The following ERCC5 variants were observed in gnomAD, a reference collection of about 807,000 sequenced individuals.
The protein encoded by ERCC5 is ERCC excision repair 5, endonuclease, also known as DNA excision repair protein ERCC-5.
A neutral mutation model predicts 105.6 loss-of-function variants in ERCC5; 68 were observed. That is an observed-to-expected ratio of 0.64 (90% confidence interval 0.53 to 0.79). The LOEUF (loss-of-function observed/expected upper bound fraction) is 0.79. Among genes scored for constraint, ERCC5 ranks in the 30% least tolerant of loss-of-function variants. The pLI is 0.00. For missense variants in ERCC5, 1,373 were observed against 1,426.7 expected (o/e 0.96, Z 0.61); for synonymous variants, 546 against 526.2 (o/e 1.04, Z -0.51).
chr13:102,850,808 T>C (rs1302523958), intron 1 of ERCC5, among the ~76,000 whole-genome samples: 1 of 152,126 alleles, frequency 6.6e-6, no homozygotes, highest in South Asian at 2.1e-4. Context: ...GCCAGACATA[T>C]ACATGGAGTC....
intron 12 of ERCC5, 113 bp from the exon 13 acceptor site, chr13:102,872,085 T>C: frequency 8.0e-7 from 1 of 1,248,180 alleles, no homozygotes; most frequent in Admixed American, 2.0e-5. Context: ...CTATATAGCA[T>C]ACAATTTGAG....
chr13:102,874,730 A>T (rs549563980), intron 14 of ERCC5: 1 of 152,872 alleles, frequency 6.5e-6, no homozygotes, highest in Non-Finnish European at 1.5e-5. Flanking sequence ...TCACCGTGTA[A>T]GCCAGAATGG....
intron 1 of ERCC5, chr13:102,849,190 G>A: frequency 1.9e-6 from 1 of 518,984 alleles, no homozygotes; most frequent in South Asian, 1.4e-5. Context: ...TTCTACCTCT[G>A]AGATGTATCT....
At chr13:102,872,168 G>A (rs776677751) in intron 12 of ERCC5, 30 bp from the exon 13 acceptor site, 1 of 1,608,744 alleles carries the variant, frequency 6.2e-7, no homozygotes, top group Admixed American at 1.7e-5. Flanking sequence ...TCTCATTGCT[G>A]TGTAAGTAAT....
At chr13:102,869,039 T>C (rs577899669) in intron 12 of ERCC5, among the ~76,000 whole-genome samples, 3 of 152,370 alleles carry the variant, frequency 2.0e-5, no homozygotes, top group East Asian at 3.9e-4. Context: ...ACCGTCACTA[T>C]GTCGTGAGAT....
chr13:102,866,798 A>G lies in ERCC5; in HGVS notation c.2486A>G (p.Asn829Ser), dbSNP rs200554571. The change falls in exon 11 of 15, where the codon AAC (asparagine) becomes AGC (serine). Residue 829 changes from asparagine to serine, a missense_variant. By Grantham distance (46) the Asn-to-Ser change is conservative (BLOSUM62 1). Transcript: ENST00000652225. ...GTCTATAGAAACTTTTTTAATAAAAACAAGTTTGTAGAATATTATCAATAT... is the reference window on the plus strand; with the variant it reads ...GTCTATAGAAACTTTTTTAATAAAAGCAAGTTTGTAGAATATTATCAATAT... ...RHVYRNFFNK[N>S]KFVEYYQYVD... 104 of 1,613,848 alleles carry G rather than the reference A, an allele frequency of 6.4e-5. No individual in the cohort carries two copies. The highest frequency in any genetic ancestry group is 8.3e-5 in the Non-Finnish European group (98 of 1,179,880).
At position 102,873,271 on chromosome 13, in the gene ERCC5, G is replaced by A; in HGVS notation, c.2892G>A (p.Arg964=). ...DLDKIREFCQ[R]YFGWNRTKTD... Reference sequence around the variant, plus strand: ...TAACTGCATGCATATTTTGTCAGCGGTATTTCGGCTGGAACAGAACGAAGA... The same window carrying A: ...TAACTGCATGCATATTTTGTCAGCGATATTTCGGCTGGAACAGAACGAAGA... Residue 964 remains arginine (R), a synonymous_variant, in exon 14 of 15, where the codon CGG becomes CGA. Coordinates refer to ENST00000652225, the MANE Select transcript of ERCC5 (RefSeq NM_000123.4). The A allele has an allele frequency of 3.1e-6, 5 of 1,614,080 alleles. No individual in the cohort carries two copies. The highest frequency in any genetic ancestry group is 4.2e-6 in the Non-Finnish European group (5 of 1,180,006).
chr13:102,875,438 C>A lies in ERCC5; in HGVS notation c.3096C>A (p.Ser1032Arg), dbSNP rs1268494110. ...GGAAAGAGAAAGAAGCAGCAGCCAG[C>A]GAAATAGAAGCAGTTTCTGTTGCCA... ...MLRKEKEAAA[S>R]EIEAVSVAME... Residue 1032 changes from serine to arginine, a missense_variant, in exon 15 of 15, where the codon AGC becomes AGA. This residue lies in a region of ERCC5 where 367 missense variants were observed against 350.2 expected (regional missense o/e 1.05). Transcript: ENST00000652225. 6.2e-7 allele frequency: 1 copy of A among 1,614,006 alleles called. No individual in the cohort carries two copies. Among genetic ancestry groups the A allele is most frequent in the Non-Finnish European group, 8.5e-7 (1 of 1,180,000 alleles).
chr13:102,866,812 T>C lies in ERCC5; in HGVS notation c.2500T>C (p.Tyr834His). 6.2e-7 allele frequency: 1 copy of C among 1,613,138 alleles called. No homozygotes were observed. Among genetic ancestry groups the C allele is most frequent in the Non-Finnish European group, 8.5e-7 (1 of 1,179,390 alleles). Residue 834 changes from tyrosine to histidine, a missense_variant, in exon 11 of 15, where the codon TAT becomes CAT. Tyr to His is a moderately conservative substitution (Grantham distance 83). This residue lies in a region of ERCC5 where 1,004 missense variants were observed against 1,059.7 expected (regional missense o/e 0.95). Transcript: ENST00000652225. ...NFFNKNKFVE[Y>H]YQYVDFHNQL... is the part of the protein sequence containing the mutation. ...TTTTAATAAAAACAAGTTTGTAGAA[T>C]ATTATCAATATGTGGACTTTCACAA...
chr13:102,857,626 ATT>A (rs35180920), intron 5 of ERCC5, among the ~76,000 whole-genome samples: 7 of 94,010 alleles, frequency 7.4e-5, no homozygotes, highest in African/African-American at 3.3e-4. Flanking sequence ...TCTTCTGTGA[ATT>A]TCTTTTAATT....
chr13:102,856,388 A>T (rs1297831271), intron 5 of ERCC5, among the ~76,000 whole-genome samples: 3 of 152,244 alleles, frequency 2.0e-5, no homozygotes, highest in Non-Finnish European at 2.9e-5. Flanking sequence ...CAATAGTAAT[A>T]TGTGCTTACA....
intron 11 of ERCC5, among the ~76,000 whole-genome samples, chr13:102,867,828 G>A (rs1460752182): frequency 6.6e-6 from 1 of 152,204 alleles, no homozygotes; most frequent in Non-Finnish European, 1.5e-5. Flanking sequence ...GAGGTGTTGA[G>A]TTGATAGTTG....
chr13:102,852,261 G>T lies in ERCC5; in HGVS notation c.232G>T (p.Gly78Trp), dbSNP rs754846826. 6.2e-7 allele frequency: 1 copy of T among 1,614,036 alleles called. No individual in the cohort carries two copies. The highest frequency in any genetic ancestry group is 1.1e-5 in the South Asian group (1 of 91,070). Residue 78 changes from glycine to tryptophan, a missense_variant, in exon 2 of 15, where the codon GGG becomes TGG. Coordinates refer to ENST00000652225, the MANE Select transcript of ERCC5 (RefSeq NM_000123.4). ...FRIRPIFVFD[G>W]DAPLLKKQTL... ...AATTCGTCCTATTTTTGTGTTTGAT[G>T]GGGATGCTCCACTATTGAAGAAACA...
chr13:102,847,904 T>G (rs1157394065), intron 1 of ERCC5, among the ~76,000 whole-genome samples: 1 of 152,250 alleles, frequency 6.6e-6, no homozygotes, highest in South Asian at 2.1e-4. Context: ...CTTACGCCTG[T>G]CATCCCAGCA....
At chr13:102,846,612 A>G (rs1340932105) in intron 1 of ERCC5, among the ~76,000 whole-genome samples, 2 of 152,200 alleles carry the variant, frequency 1.3e-5, no homozygotes, top group East Asian at 3.8e-4. Context: ...TGGTATTTGC[A>G]TATAAACTAC....
intron 1 of ERCC5, among the ~76,000 whole-genome samples, chr13:102,851,849 A>T (rs923131895): frequency 6.6e-6 from 1 of 151,894 alleles, no homozygotes; most frequent in African/African-American, 2.4e-5. Flanking sequence ...TTTTTTAAAG[A>T]AGCAATTCTT....
In ERCC5 at chr13:102,872,342, G is replaced by A. The variant is rs1477967632; in HGVS notation, c.2823G>A (p.Val941=). Residue 941 remains valine, a synonymous_variant, in exon 13 of 15, where the codon GTG becomes GTA. Coordinates refer to ENST00000652225, the MANE Select transcript of ERCC5 (RefSeq NM_000123.4). Reference sequence around the variant, plus strand: ...CCGAGGCCTACCTCAAACCCGTGGTGGATGACTCGAAGGGATCCTTTCTGT... The same window carrying A: ...CCGAGGCCTACCTCAAACCCGTGGTAGATGACTCGAAGGGATCCTTTCTGT... ...AVAEAYLKPV[V]DDSKGSFLWG... 6.2e-7 allele frequency: 1 copy of A among 1,614,058 alleles called. No homozygotes were observed. Among genetic ancestry groups the A allele is most frequent in the Admixed American group, 1.7e-5 (1 of 60,014 alleles).
At chr13:102,875,020 A>C (rs2140542607) in intron 14 of ERCC5, among the ~76,000 whole-genome samples, 1 of 152,326 alleles carries the variant, frequency 6.6e-6, no homozygotes, top group South Asian at 2.1e-4. Context: ...GCTACAGAAA[A>C]ATATTTAACG....
Position 102,862,098 on chromosome 13 carries a change from A to G in ERCC5, c.949A>G (p.Met317Val). Residue 317 changes from methionine (M) to valine (V), a missense_variant, in exon 8 of 15, where the codon ATG becomes GTG. By Grantham distance (21) the Met-to-Val change is conservative (BLOSUM62 1). This residue lies in a region of ERCC5 where 1,004 missense variants were observed against 1,059.7 expected (regional missense o/e 0.95). Coordinates refer to ENST00000652225, the MANE Select transcript of ERCC5 (RefSeq NM_000123.4). Reference protein sequence around the residue: ...SLPSSSKMHGMSFDVKSSPCE... With the variant: ...SLPSSSKMHGVSFDVKSSPCE... ...TCCTTCTTCCAGCAAAATGCACGGC[A>G]TGTCTTTTGACGTGAAGTCATCTCC... 1 of 1,614,250 alleles carries G rather than the reference A, an allele frequency of 6.2e-7. No homozygotes were observed. Among genetic ancestry groups the G allele is most frequent in the Non-Finnish European group, 8.5e-7 (1 of 1,180,040 alleles).
Sources: allele counts gnomAD v4.1 joint callset (sites outside exome capture counted in the v4.1 genomes callset), GRCh38; gene constraint gnomAD v4.1.1; regional missense constraint gnomAD v4.1.1; transcripts MANE v1.5; gene names NCBI Gene and HGNC (gene_info 2026-07-23, HGNC 2026-07-21).